Variants in UNC13B observed in about 807,000 individuals in gnomAD.
UNC13B encodes the protein unc-13 homolog B.
UNC13B carries 144 observed loss-of-function variants against 211.0 expected under a neutral mutation model. The observed-to-expected ratio is 0.68, with a 90% CI of 0.60 to 0.78. UNC13B has a LOEUF of 0.78. UNC13B is among the 30% of genes least tolerant of loss of function. The pLI, the probability that UNC13B is intolerant of heterozygous loss-of-function variation, is 0.00. For synonymous variants in UNC13B, 709 were observed against 725.8 expected, an observed-to-expected ratio of 0.98 and a Z score of 0.37; for missense variants, 1,777 against 2,002.0, an observed-to-expected ratio of 0.89 and a Z score of 2.14.
chr9:35,191,867 G>T (rs1447400275), intron 1 of UNC13B, among the ~76,000 whole-genome samples: 3 of 152,168 alleles, frequency 2.0e-5, no homozygotes, highest in Non-Finnish European at 2.9e-5. Flanking sequence ...AGGGTCCTGG[G>T]TCTGCATCTT....
At chr9:35,330,253 C>G (rs1831292157) in intron 11 of UNC13B, among the ~76,000 whole-genome samples, 1 of 152,224 alleles carries the variant, frequency 6.6e-6, no homozygotes, top group African/African-American at 2.4e-5. Context: ...AGCCAGCCTC[C>G]TAGTACTTTC....
rs1836543625 is a variant in UNC13B, at chr9:35,404,318, C to T, written c.*285C>T. The T allele has an allele frequency of 2.2e-6, 1 of 455,416 alleles. No individual in the cohort carries two copies. The allele number at this position is 455,416 out of a possible 1,614,324, so 28.2% of individuals were successfully genotyped here. ...GACAAACATTTCTGAGAGTGTCAGCCATTCTTGGTAGACACCTCTCCACTC... is the reference window on the plus strand; with the variant it reads ...GACAAACATTTCTGAGAGTGTCAGCTATTCTTGGTAGACACCTCTCCACTC... On this transcript the variant is annotated 3_prime_UTR_variant, in exon 40 of 40. Coordinates refer to ENST00000635942, the MANE Select transcript of UNC13B (RefSeq NM_001371189.2).
chr9:35,384,453 T>G, intron 22 of UNC13B, 139 bp downstream of exon 22: 1 of 1,426,282 alleles, frequency 7.0e-7, no homozygotes, highest in Non-Finnish European at 9.2e-7. Context: ...TGGCCAATGC[T>G]ACTGACACCT....
intron 6 of UNC13B, among the ~76,000 whole-genome samples, chr9:35,255,048 A>AC: frequency 8.4e-6 from 1 of 118,770 alleles, no homozygotes. Flanking sequence ...TATTATATAT[A>AC]ATATAATATA....
intron 7 of UNC13B, among the ~76,000 whole-genome samples, chr9:35,265,162 C>T (rs1436482196): frequency 6.6e-6 from 1 of 152,164 alleles, no homozygotes; most frequent in Non-Finnish European, 1.5e-5. Flanking sequence ...ATTGTATGAA[C>T]TTGATTGTGT....
At position 35,313,992 on chromosome 9, in the gene UNC13B, A is replaced by C; in HGVS notation, c.9414+3A>C. 1.2e-6 allele frequency: 2 copies of C among 1,612,398 alleles called. No homozygotes were observed. The highest frequency in any genetic ancestry group is 8.5e-7 in the Non-Finnish European group (1 of 1,178,508). ...AGGTTCGACTCCAGCTGCAGGAGGT[A>C]GGAAATCTGTTCTAGTACTGGTTGG... is the stretch of plus-strand genomic sequence containing the variant. On this transcript the variant is annotated splice_donor_region_variant and intron_variant, in intron 11 of 39. Transcript: ENST00000635942.
intron 1 of UNC13B, among the ~76,000 whole-genome samples, chr9:35,164,803 C>T (rs887334921): frequency 6.6e-6 from 1 of 152,194 alleles, no homozygotes; most frequent in Non-Finnish European, 1.5e-5. Context: ...TTGTTGAAAA[C>T]TTCTTCAGGT....
chr9:35,319,325 C>T (rs1830616038), intron 11 of UNC13B, among the ~76,000 whole-genome samples: 2 of 138,920 alleles, frequency 1.4e-5, no homozygotes, highest in African/African-American at 5.4e-5. Flanking sequence ...ATTGCCTGAA[C>T]CCGGGAAGCA....
At chr9:35,333,969 T>G (rs988288850) in intron 11 of UNC13B, among the ~76,000 whole-genome samples, 3 of 151,958 alleles carry the variant, frequency 2.0e-5, no homozygotes, top group African/African-American at 4.8e-5. Flanking sequence ...TGTTTGTTTT[T>G]TTTTTTGTTT....
rs562965758 is a variant in UNC13B at position 35,380,222 on chromosome 9, A to G, written c.10206-248A>G. Among the ~76,000 whole-genome samples the G allele has an allele frequency of 3.7e-3, 560 of 151,992 alleles. 3 individuals are homozygous for G. Among genetic ancestry groups the G allele is most frequent in the African/African-American group, 0.013 (536 of 41,436 alleles). On this transcript the variant is annotated intron_variant, in intron 17 of 39. Coordinates refer to ENST00000635942, the MANE Select transcript of UNC13B (RefSeq NM_001371189.2). ...ATTGACCTGAATTACTCTTCCCTCC[A>G]CCCCTTGCCCTTTGTTCTAGGACAA...
At chr9:35,164,709 T>C (rs965645351) in intron 1 of UNC13B, among the ~76,000 whole-genome samples, 1 of 152,244 alleles carries the variant, frequency 6.6e-6, no homozygotes, top group African/African-American at 2.4e-5. Flanking sequence ...GTTCTGCACT[T>C]GTGCCCCCTG....
At position 35,162,264 on chromosome 9, in the gene UNC13B, G is replaced by C; in HGVS notation, c.-20G>C. On this transcript the variant is annotated 5_prime_UTR_variant, in exon 1 of 40. Coordinates refer to ENST00000635942, the MANE Select transcript of UNC13B (RefSeq NM_001371189.2). The stretch of plus-strand genomic sequence containing the variant: ...TCCGGCGCGGCTGGGGCGCGGCAGA[G>C]GCTTGCCCGATCCTCGGCCATGTCA... The C allele has an allele frequency of 6.5e-7, 1 of 1,541,432 alleles. No homozygotes were observed. The highest frequency in any genetic ancestry group is 8.7e-7 in the Non-Finnish European group (1 of 1,147,390).
intron 7 of UNC13B, among the ~76,000 whole-genome samples, chr9:35,276,009 T>C (rs1448644172): frequency 1.3e-5 from 2 of 152,134 alleles, no homozygotes; most frequent in Non-Finnish European, 2.9e-5. Context: ...TAAGGATTTA[T>C]TTAAAAGCCA....
intron 6 of UNC13B, among the ~76,000 whole-genome samples, chr9:35,253,500 C>T (rs754037097): frequency 1.3e-5 from 2 of 152,046 alleles, no homozygotes; most frequent in Non-Finnish European, 2.9e-5. Context: ...AAAGGAAACC[C>T]ATGTGTATAC....
At chr9:35,268,757 C>T (rs758427400) in intron 7 of UNC13B, among the ~76,000 whole-genome samples, 1 of 152,172 alleles carries the variant, frequency 6.6e-6, no homozygotes, top group Non-Finnish European at 1.5e-5. Context: ...TTTTCCAGAT[C>T]TCTTTGTTGC....
intron 6 of UNC13B, 59 bp from the exon 7 acceptor site, chr9:35,258,934 T>C (rs754605714): frequency 6.4e-6 from 10 of 1,558,452 alleles, no homozygotes; most frequent in Non-Finnish European, 8.7e-6. Context: ...TTTTTTTCCC[T>C]GTCTTTACTT....
At chr9:35,204,714 G>T (rs1823541035) in intron 1 of UNC13B, among the ~76,000 whole-genome samples, 1 of 152,118 alleles carries the variant, frequency 6.6e-6, no homozygotes, top group East Asian at 1.9e-4. Flanking sequence ...CCCAATGCCT[G>T]TACCCCCATT....
chr9:35,397,546 T>C, intron 29 of UNC13B, 89 bp from the exon 30 acceptor site: 1 of 1,442,778 alleles, frequency 6.9e-7, no homozygotes, highest in Non-Finnish European at 9.5e-7. Context: ...GTTGTTATTG[T>C]TCTGTGATGA....
At chr9:35,199,070 C>G (rs1220579612) in intron 1 of UNC13B, among the ~76,000 whole-genome samples, 1 of 152,146 alleles carries the variant, frequency 6.6e-6, no homozygotes, top group East Asian at 1.9e-4. Flanking sequence ...TCCATTCCCA[C>G]CTATGAGTGA....
Sources: allele counts gnomAD v4.1 joint callset (sites outside exome capture counted in the v4.1 genomes callset), GRCh38; gene constraint gnomAD v4.1.1; transcripts MANE v1.5; gene names NCBI Gene and HGNC (gene_info 2026-07-23, HGNC 2026-07-21).